The following TEX26 variants were observed in gnomAD, a reference collection of about 807,000 sequenced individuals.
TEX26 encodes the protein testis-expressed protein 26.
A neutral mutation model predicts 35.3 loss-of-function variants in TEX26; 34 were observed. The ratio of observed to expected loss-of-function variants is 0.96; its 90% CI spans 0.73 to 1.28. TEX26 has a LOEUF of 1.28. Ranked by LOEUF, TEX26 falls within the 50% of genes most tolerant of loss-of-function variation. The pLI, the probability that TEX26 is intolerant of heterozygous loss-of-function variation, is 0.00. For missense variants in TEX26, 371 were observed against 330.1 expected (o/e 1.12, Z -0.96); for synonymous variants, 136 against 111.8 (o/e 1.22, Z -1.36).
At chr13:30,957,489 T>A (rs1954182683) in intron 4 of TEX26, among the ~76,000 whole-genome samples, 2 of 151,660 alleles carry the variant, frequency 1.3e-5, no homozygotes, top group Non-Finnish European at 2.9e-5. Flanking sequence ...GAGTTTGGAG[T>A]TCATCCCAGA....
rs1041251250 is a variant in TEX26, at chr13:30,948,345, T to C, written c.147-4315T>C. ...CTTCCACAATGGTTGAACTAGTTTATAGTCCCACCAACAGTGTAAAATTGT... is the reference window on the plus strand; with the variant it reads ...CTTCCACAATGGTTGAACTAGTTTACAGTCCCACCAACAGTGTAAAATTGT... On this transcript the variant is annotated intron_variant, in intron 2 of 6. Coordinates refer to ENST00000380473, the MANE Select transcript of TEX26 (RefSeq NM_152325.3). 1.9e-4 allele frequency among the ~76,000 whole-genome samples: 29 copies of C among 152,306 alleles called. No homozygotes were observed. The Middle Eastern group carries it at 0.014, about 71-fold the overall frequency.
intron 5 of TEX26, among the ~76,000 whole-genome samples, chr13:30,967,423 C>T (rs1171879004): frequency 2.0e-5 from 3 of 152,222 alleles, no homozygotes; most frequent in African/African-American, 7.2e-5. Context: ...GATGCTCCAA[C>T]TGTGTAGAAG....
At position 30,939,848 on chromosome 13, in the gene TEX26, T is replaced by C. The variant is rs978804083; in HGVS notation, c.146+70T>C. 3.7e-6 allele frequency: 5 copies of C among 1,351,154 alleles called. No homozygotes were observed. In the African/African-American group the frequency reaches 5.7e-5, roughly 16 times the overall value. The allele number at this position is 1,351,154 out of a possible 1,614,324, so 83.7% of individuals were successfully genotyped here. A position where few individuals can be genotyped will look rare whatever the true frequency, so the allele number is the denominator to read the frequency against. On this transcript the variant is annotated intron_variant, in intron 2 of 6. Coordinates refer to ENST00000380473, the MANE Select transcript of TEX26 (RefSeq NM_152325.3). ...TTGACTTGTCTTTTATGACTCAGAATCCAAACACATAGACAGTAATTAGAG... is the reference window on the plus strand; with the variant it reads ...TTGACTTGTCTTTTATGACTCAGAACCCAAACACATAGACAGTAATTAGAG...
At chr13:30,960,871 T>A (rs1233091320) in intron 4 of TEX26, among the ~76,000 whole-genome samples, 1 of 152,224 alleles carries the variant, frequency 6.6e-6, no homozygotes, top group Non-Finnish European at 1.5e-5. Flanking sequence ...TTTTGTGGAC[T>A]CTTCTTTTTC....
intron 4 of TEX26, among the ~76,000 whole-genome samples, chr13:30,963,735 C>G (rs980056938): frequency 6.6e-6 from 1 of 152,216 alleles, no homozygotes; most frequent in African/African-American, 2.4e-5. Flanking sequence ...GTCTGCAAAA[C>G]TTTTCCCAGG....
intron 3 of TEX26, among the ~76,000 whole-genome samples, chr13:30,956,498 A>T (rs1384798516): frequency 2.0e-5 from 3 of 152,106 alleles, no homozygotes; most frequent in Non-Finnish European, 1.5e-5. Context: ...TGTAAGGCAG[A>T]GTTTTCCTCA....
intron 2 of TEX26, among the ~76,000 whole-genome samples, chr13:30,946,349 G>T (rs907658944): frequency 6.6e-6 from 1 of 151,582 alleles, no homozygotes; most frequent in Non-Finnish European, 1.5e-5. Context: ...CATATCCTGA[G>T]TTGTTTCTTA....
rs538023616 is a variant in TEX26, at chr13:30,949,322, T to C, written c.147-3338T>C. Among the ~76,000 whole-genome samples, 10 of 152,326 alleles carry C rather than the reference T, an allele frequency of 6.6e-5. No individual in the cohort carries two copies. The South Asian group carries it at 1.0e-3, about 16-fold the overall frequency. On this transcript the variant is annotated intron_variant, in intron 2 of 6. Coordinates refer to ENST00000380473, the MANE Select transcript of TEX26 (RefSeq NM_152325.3). ...AAAGGCTTTTATCATATTTTGAATA[T>C]ATTTTTATCAAAATCTTGGAGCTGA...
At chr13:30,974,723 G>T (rs1256191762) in intron 6 of TEX26, 123 bp from the exon 7 acceptor site, 1 of 921,330 alleles carries the variant, frequency 1.1e-6, no homozygotes, top group African/African-American at 1.8e-5. Flanking sequence ...TATTATTTTG[G>T]TCTTACCAAA....
At chr13:30,959,955 T>G (rs933479353) in intron 4 of TEX26, among the ~76,000 whole-genome samples, 1 of 152,226 alleles carries the variant, frequency 6.6e-6, no homozygotes, top group Non-Finnish European at 1.5e-5. Flanking sequence ...ATCTGTCTTC[T>G]ACATAGAAAT....
rs1476948417 is a variant in TEX26, at chr13:30,975,367, G to A, written c.*460G>A. On this transcript the variant is annotated 3_prime_UTR_variant, in exon 7 of 7. Coordinates refer to ENST00000380473, the MANE Select transcript of TEX26 (RefSeq NM_152325.3). ...CATTAATCAAGTATATGATTAATTT[G>A]TGTGTTACGTGAATATGAGAAAAAA... 1.3e-5 allele frequency: 2 copies of A among 152,288 alleles called. No homozygotes were observed. Among genetic ancestry groups the A allele is most frequent in the East Asian group, 1.9e-4 (1 of 5,196 alleles). 9.4% of individuals were successfully genotyped at this position (152,288 alleles called of 1,614,324 possible).
intron 2 of TEX26, among the ~76,000 whole-genome samples, chr13:30,947,627 C>G (rs2138220656): frequency 6.6e-6 from 1 of 152,202 alleles, no homozygotes; most frequent in Non-Finnish European, 1.5e-5. Context: ...TAACAAATGA[C>G]TATTAAATTG....
At chr13:30,950,104 ATTTGCTG>A (rs1953863576) in intron 2 of TEX26, among the ~76,000 whole-genome samples, 1 of 152,212 alleles carries the variant, frequency 6.6e-6, no homozygotes, top group African/African-American at 2.4e-5. Context: ...ATCTTTAAAA[ATTTGCTG>A]TCTCGGAAAA....
At chr13:30,960,549 ACTT>A (rs756372721) in intron 4 of TEX26, among the ~76,000 whole-genome samples, 14 of 152,038 alleles carry the variant, frequency 9.2e-5, no homozygotes, top group Admixed American at 1.3e-4. Flanking sequence ...CTGGCTGAAA[ACTT>A]CTTTACTTTT....
At chr13:30,962,417 G>T (rs932267441) in intron 4 of TEX26, among the ~76,000 whole-genome samples, 2 of 152,120 alleles carry the variant, frequency 1.3e-5, no homozygotes, top group African/African-American at 4.8e-5. Flanking sequence ...GGCACACATT[G>T]CTTCCTCCCT....
In TEX26 at chr13:30,965,330, C is replaced by T. The variant is rs970408872; in HGVS notation, c.470-892C>T. On this transcript the variant is annotated intron_variant, in intron 4 of 6. Coordinates refer to ENST00000380473, the MANE Select transcript of TEX26 (RefSeq NM_152325.3). ...TATACCAGTAGGTACCATTATAAAT[C>T]GTTTGATACATAATATATATTAGGA... Among the ~76,000 whole-genome samples, 28 of 152,098 alleles carry T rather than the reference C, an allele frequency of 1.8e-4. 1 individual carries two copies. The highest frequency in any genetic ancestry group is 4.4e-5 in the Non-Finnish European group (3 of 68,020).
intron 2 of TEX26, among the ~76,000 whole-genome samples, chr13:30,945,312 C>G (rs766785466): frequency 2.6e-5 from 4 of 151,726 alleles, no homozygotes; most frequent in African/African-American, 7.3e-5. Flanking sequence ...CTTTTTCCAC[C>G]CTTTTTCCTT....
chr13:30,958,029 C>T (rs1273853163), intron 4 of TEX26, among the ~76,000 whole-genome samples: 4 of 152,206 alleles, frequency 2.6e-5, no homozygotes, highest in Admixed American at 6.5e-5. Context: ...CACTATTCAT[C>T]CTGCTTCCTG....
intron 2 of TEX26, among the ~76,000 whole-genome samples, chr13:30,940,764 C>T (rs935246980): frequency 3.9e-5 from 6 of 151,982 alleles, no homozygotes; most frequent in African/African-American, 1.5e-4. Context: ...ATGGTGAAAC[C>T]CCTTCTCTAC....
Sources: allele counts gnomAD v4.1 joint callset (sites outside exome capture counted in the v4.1 genomes callset), GRCh38; gene constraint gnomAD v4.1.1; transcripts MANE v1.5; gene names NCBI Gene and HGNC (gene_info 2026-07-23, HGNC 2026-07-21).